The following ROCK2 variants were observed in gnomAD, a reference collection of about 807,000 sequenced individuals.
ROCK2 encodes rho-associated protein kinase 2.
ROCK2 carries 61 observed loss-of-function variants against 195.1 expected under a neutral mutation model. The observed-to-expected ratio is 0.31, with a 90% CI of 0.25 to 0.39. The LOEUF (loss-of-function observed/expected upper bound fraction) is 0.39. ROCK2 is among the 10% of genes least tolerant of loss of function. The pLI, the probability that ROCK2 is intolerant of heterozygous loss-of-function variation, is 1.00. For synonymous variants in ROCK2, 504 were observed against 545.5 expected (o/e 0.92, Z 1.06); for missense variants, 1,109 against 1,637.4 (o/e 0.68, Z 5.57).
intron 32 of ROCK2, among the ~76,000 whole-genome samples, chr2:11,190,263 A>T (rs1464638507): frequency 1.3e-5 from 2 of 152,120 alleles, no homozygotes; most frequent in African/African-American, 4.8e-5. Context: ...TTACATGCAG[A>T]TATGAGGGAA....
intron 1 of ROCK2, among the ~76,000 whole-genome samples, chr2:11,322,588 CAAGT>C (rs973498637): frequency 7.2e-5 from 11 of 152,152 alleles, no homozygotes; most frequent in African/African-American, 2.4e-4. Context: ...GCTCAAATAG[CAAGT>C]AAGGTATCAT....
intron 4 of ROCK2, among the ~76,000 whole-genome samples, chr2:11,242,473 G>A (rs2148116368): frequency 6.6e-6 from 1 of 152,204 alleles, no homozygotes; most frequent in South Asian, 2.1e-4. Context: ...AAGTGAGAGA[G>A]GAGGGACGGG....
chr2:11,211,567 A>G (rs1368452346), intron 18 of ROCK2, 114 bp downstream of exon 18: 2 of 1,014,684 alleles, frequency 2.0e-6, no homozygotes, highest in African/African-American at 3.2e-5. Flanking sequence ...TTTCCCTCCA[A>G]TTCCCAATAT....
chr2:11,278,188 T>G (rs1394621477), intron 3 of ROCK2, among the ~76,000 whole-genome samples: 1 of 152,214 alleles, frequency 6.6e-6, no homozygotes, highest in East Asian at 1.9e-4. Flanking sequence ...AACTTATTCC[T>G]CCCATCTAAC....
intron 3 of ROCK2, among the ~76,000 whole-genome samples, chr2:11,285,849 A>G (rs1475709273): frequency 6.6e-6 from 1 of 152,030 alleles, no homozygotes; most frequent in Non-Finnish European, 1.5e-5. Context: ...AAAGAAACAA[A>G]AAACCCAAAG....
At chr2:11,206,157 T>C (rs1480448836) in intron 20 of ROCK2, among the ~76,000 whole-genome samples, 2 of 152,110 alleles carry the variant, frequency 1.3e-5, no homozygotes, top group African/African-American at 4.8e-5. Flanking sequence ...AAATGATTTT[T>C]GCCCTTCAAT....
At chr2:11,187,992 T>C (rs190327397) in intron 32 of ROCK2, among the ~76,000 whole-genome samples, 3 of 152,284 alleles carry the variant, frequency 2.0e-5, no homozygotes, top group African/African-American at 4.8e-5. Context: ...AAGTGAGCAT[T>C]TGTTACATTT....
At chr2:11,272,291 G>A (rs971519085) in intron 3 of ROCK2, among the ~76,000 whole-genome samples, 13 of 152,098 alleles carry the variant, frequency 8.5e-5, no homozygotes, top group African/African-American at 3.1e-4. Context: ...GAAGTCATGT[G>A]AAGAAATAAA....
intron 32 of ROCK2, among the ~76,000 whole-genome samples, chr2:11,189,082 G>C (rs903358058): frequency 6.6e-6 from 1 of 151,854 alleles, no homozygotes; most frequent in Non-Finnish European, 1.5e-5. Flanking sequence ...ATGATGTAAT[G>C]GCAGATGACC....
intron 23 of ROCK2, among the ~76,000 whole-genome samples, chr2:11,199,233 T>C (rs1166831506): frequency 1.3e-5 from 2 of 152,096 alleles, no homozygotes; most frequent in Non-Finnish European, 2.9e-5. Context: ...AATTACGTGT[T>C]TTGCCTTTCC....
chr2:11,300,879 GAGC>G (rs1667681223), intron 1 of ROCK2, among the ~76,000 whole-genome samples: 1 of 152,122 alleles, frequency 6.6e-6, no homozygotes, highest in South Asian at 2.1e-4. Context: ...TATCATTGGT[GAGC>G]AGAATTAGAA....
chr2:11,245,227 A>C lies in ROCK2; in HGVS notation c.462+4434T>G, dbSNP rs1425978906. Among the ~76,000 whole-genome samples the C allele has an allele frequency of 2.7e-5, 4 of 149,536 alleles. No homozygotes were observed. In the East Asian group the frequency reaches 5.8e-4, roughly 22 times the overall value. On this transcript the variant is annotated intron_variant, in intron 4 of 32. Transcript: ENST00000315872. ...TGATGTATAAAATATAAATTATATT[A>C]TAAATCATGTATTATTTATAAAATT...
intron 4 of ROCK2, among the ~76,000 whole-genome samples, chr2:11,245,973 A>C (rs2148121648): frequency 6.6e-6 from 1 of 152,326 alleles, no homozygotes. Context: ...GTAACTTAAC[A>C]AGTAAACAGA....
chr2:11,253,914 A>G (rs1665923559), intron 3 of ROCK2, among the ~76,000 whole-genome samples: 1 of 152,270 alleles, frequency 6.6e-6, no homozygotes. Flanking sequence ...GGGAAGAACC[A>G]TGACACTTAT....
At chr2:11,226,912 GAAAAAAAAAA>G (rs36080073) in intron 6 of ROCK2, among the ~76,000 whole-genome samples, 2 of 100,806 alleles carry the variant, frequency 2.0e-5, no homozygotes, top group African/African-American at 4.0e-5. Flanking sequence ...CCCTGCCTCA[GAAAAAAAAAA>G]AAAAAAAAAA....
chr2:11,202,142 A>C, intron 20 of ROCK2, 21 bp from the exon 21 acceptor site: 1 of 1,592,526 alleles, frequency 6.3e-7, no homozygotes, highest in Non-Finnish European at 8.6e-7. Flanking sequence ...AATGAATCAA[A>C]GGTTTAAATA....
intron 3 of ROCK2, among the ~76,000 whole-genome samples, chr2:11,273,986 T>C (rs1282115350): frequency 7.1e-6 from 1 of 141,022 alleles, no homozygotes; most frequent in Non-Finnish European, 1.6e-5. Flanking sequence ...CACAAAAACA[T>C]GGAAATTAAA....
At chr2:11,336,545 C>G (rs1009301872) in intron 1 of ROCK2, among the ~76,000 whole-genome samples, 4 of 138,902 alleles carry the variant, frequency 2.9e-5, no homozygotes, top group African/African-American at 1.0e-4. Context: ...ACCACTGTGC[C>G]CAGCCAAGAA....
intron 3 of ROCK2, among the ~76,000 whole-genome samples, chr2:11,267,626 A>C (rs1454702088): frequency 3.3e-5 from 5 of 151,700 alleles, no homozygotes; most frequent in African/African-American, 1.2e-4. Context: ...TGAAACTTTC[A>C]ATTCTCTCAA....
Sources: allele counts gnomAD v4.1 joint callset (sites outside exome capture counted in the v4.1 genomes callset), GRCh38; gene constraint gnomAD v4.1.1; transcripts MANE v1.5; gene names NCBI Gene and HGNC (gene_info 2026-07-23, HGNC 2026-07-21).